The following RPL32 variants were observed in gnomAD, a reference collection of about 807,000 sequenced individuals.
RPL32 encodes the protein ribosomal protein L32.
For missense variants in RPL32, 117 were observed against 173.7 expected (o/e 0.67, Z 1.83); for synonymous variants, 61 against 62.6 (o/e 0.98, Z 0.12).
chr3:12,838,541 C>T (rs891938387), intron 3 of RPL32, among the ~76,000 whole-genome samples: 1 of 152,142 alleles, frequency 6.6e-6, no homozygotes. Flanking sequence ...GCAAACTTTC[C>T]AGAGCCCTCC....
chr3:12,841,582 T>C (rs899247465), upstream of RPL32: 1 of 152,202 alleles, frequency 6.6e-6, no homozygotes, highest in African/African-American at 2.4e-5. Context: ...TCGTAACCCC[T>C]GGGTCCTAGC....
At chr3:12,837,909 A>G (rs1275277522) in intron 3 of RPL32, among the ~76,000 whole-genome samples, 2 of 152,202 alleles carry the variant, frequency 1.3e-5, no homozygotes, top group Non-Finnish European at 2.9e-5. Context: ...TTTTATACAC[A>G]AAGCTCACCA....
Position 12,838,176 on chromosome 3 carries a change from G to A in RPL32, c.278+1173C>T, listed in dbSNP as rs530580427. ...AATCCCAGCATTTTGGGAGGCTAAG[G>A]CAGGCAGACCGCTTAAGGTCATGAG... On this transcript the variant is annotated intron_variant, in intron 3 of 3. Transcript: ENST00000429711. 2.6e-5 allele frequency among the ~76,000 whole-genome samples: 4 copies of A among 152,304 alleles called. No individual in the cohort carries two copies. The South Asian group carries it at 6.2e-4, about 24-fold the overall frequency.
At chr3:12,839,195 T>G in intron 3 of RPL32, 154 bp downstream of exon 3, 1 of 697,078 alleles carries the variant, frequency 1.4e-6, no homozygotes. Flanking sequence ...AAGCATTCTC[T>G]AAAATCCTGC....
chr3:12,839,560 C>T lies in RPL32; in HGVS notation c.97-30G>A, dbSNP rs73813714. On this transcript the variant is annotated intron_variant, in intron 2 of 3. Transcript: ENST00000429711. ...AGGAAATAATACACAGGTGGGTTAG[C>T]GTCTGTGCAGAGTGCGAACTCTTCC... is the stretch of plus-strand genomic sequence containing the variant. 278 of 1,610,460 alleles carry T rather than the reference C, an allele frequency of 1.7e-4. No individual in the cohort carries two copies. The African/African-American group carries it at 2.7e-3, about 16-fold the overall frequency.
At position 12,835,651 on chromosome 3, in the gene RPL32, C is replaced by T. The variant is rs1352927791; in HGVS notation, c.*443G>A. On this transcript the variant is annotated 3_prime_UTR_variant, in exon 4 of 4. Coordinates refer to ENST00000429711, the MANE Select transcript of RPL32 (RefSeq NM_000994.4). ...AGTTACAGGATGCAATTTAGGCATC[C>T]CGTAAGAATCTGTGTAAGAAATTCA... is the stretch of plus-strand genomic sequence containing the variant. 1 of 161,248 alleles carries T rather than the reference C, an allele frequency of 6.2e-6. No homozygotes were observed. The highest frequency in any genetic ancestry group is 1.4e-5 in the Non-Finnish European group (1 of 73,360). 10.0% of individuals were successfully genotyped at this position (161,248 alleles called of 1,614,324 possible).
intron 3 of RPL32, among the ~76,000 whole-genome samples, chr3:12,838,365 C>T (rs7637990): frequency 0.18 from 27,604 of 152,124 alleles, 3,330 homozygotes; most frequent in African/African-American, 0.35. Flanking sequence ...GAAGTCATGC[C>T]ACTGCACTCC....
At chr3:12,836,295 A>G (rs1018452020) in intron 3 of RPL32, 72 bp from the exon 4 acceptor site, 13 of 1,579,628 alleles carry the variant, frequency 8.2e-6, no homozygotes, top group African/African-American at 6.7e-5. Flanking sequence ...TGGAGAGGCA[A>G]TGAGTCCCAG....
chr3:12,836,133 G>C lies in RPL32; in HGVS notation c.369C>G (p.Thr123=). ...CACTGCGCAGCCTGGCATTGGGGTT[G>C]GTGACTCTGATGGCCAGTTGGGCAG... The part of the protein sequence containing the change: ...ERAAQLAIRV[T]NPNARLRSEE... The change falls in exon 4 of 4, where the codon ACC becomes ACG. Residue 123 remains threonine (T), a synonymous_variant. Coordinates refer to ENST00000429711, the MANE Select transcript of RPL32 (RefSeq NM_000994.4). The C allele has an allele frequency of 6.2e-7, 1 of 1,609,204 alleles. No homozygotes were observed. The highest frequency in any genetic ancestry group is 1.1e-5 in the South Asian group (1 of 91,080).
At chr3:12,839,184 C>G in intron 3 of RPL32, 165 bp downstream of exon 3, 1 of 662,572 alleles carries the variant, frequency 1.5e-6, no homozygotes, top group South Asian at 1.9e-5. Context: ...AATTCCCCAA[C>G]AAGCATTCTC....
intron 3 of RPL32, among the ~76,000 whole-genome samples, chr3:12,837,207 GGC>G (rs1248996756): frequency 6.6e-6 from 1 of 152,124 alleles, no homozygotes; most frequent in African/African-American, 2.4e-5. Context: ...TGTCCCCCCT[GGC>G]TTGGGCATTT....
At chr3:12,839,741 C>T (rs766785957) in intron 2 of RPL32, among the ~76,000 whole-genome samples, 46 of 152,168 alleles carry the variant, frequency 3.0e-4, no homozygotes, top group Non-Finnish European at 6.2e-4. Context: ...CCCACCATTG[C>T]CACTCCCAAG....
chr3:12,840,809 A>C, intron 1 of RPL32: 2 of 254,392 alleles, frequency 7.9e-6, no homozygotes, highest in African/African-American at 2.2e-5. Flanking sequence ...TCCAGTATCA[A>C]CTCACACCTT....
rs144517633 is a variant in RPL32, at chr3:12,840,208, G to A, written c.30C>T (p.Pro10=). ...TCTTGGTTCTCTTTTTGACGATCTT[G>A]GGCTTCACAAGGGGTCTGAGGGCGG... MAALRPLVK[P]KIVKKRTKKF... Residue 10 remains proline, a synonymous_variant, in exon 2 of 4, where the codon CCC becomes CCT. Transcript: ENST00000429711. 6.2e-7 allele frequency: 1 copy of A among 1,613,848 alleles called. No homozygotes were observed. The highest frequency in any genetic ancestry group is 1.3e-5 in the African/African-American group (1 of 74,900).
chr3:12,836,471 C>T (rs1291778441), intron 3 of RPL32, among the ~76,000 whole-genome samples: 2 of 152,140 alleles, frequency 1.3e-5, no homozygotes, highest in African/African-American at 2.4e-5. Context: ...GGCATTACCT[C>T]CATTTTACAG....
At chr3:12,839,568 CAG>C in intron 2 of RPL32, 38 bp from the exon 3 acceptor site, 1 of 1,595,882 alleles carries the variant, frequency 6.3e-7, no homozygotes, top group Non-Finnish European at 8.6e-7. Flanking sequence ...AGCGTCTGTG[CAG>C]AGTGCGAACT....
chr3:12,836,868 C>T (rs2062104194), intron 3 of RPL32, among the ~76,000 whole-genome samples: 1 of 152,140 alleles, frequency 6.6e-6, no homozygotes, highest in Non-Finnish European at 1.5e-5. Context: ...TTTATGAAGC[C>T]ACCCACAGTG....
chr3:12,838,364 C>G (rs1456251507), intron 3 of RPL32, among the ~76,000 whole-genome samples: 2 of 152,278 alleles, frequency 1.3e-5, no homozygotes, highest in South Asian at 2.1e-4. Flanking sequence ...CGAAGTCATG[C>G]CACTGCACTC....
intron 2 of RPL32, 60 bp from the exon 3 acceptor site, chr3:12,839,590 G>C (rs1338717029): frequency 3.9e-6 from 6 of 1,530,972 alleles, no homozygotes; most frequent in Non-Finnish European, 5.4e-6. Context: ...TCTTCCTTTT[G>C]GGGAGGGAAA....
Sources: allele counts gnomAD v4.1 joint callset (sites outside exome capture counted in the v4.1 genomes callset), GRCh38; gene constraint gnomAD v4.1.1; transcripts MANE v1.5; gene names NCBI Gene and HGNC (gene_info 2026-07-23, HGNC 2026-07-21).